Variants in POU6F2 observed in about 807,000 individuals in gnomAD.
The protein encoded by POU6F2 is POU class 6 homeobox 2, also known as POU domain, class 6, transcription factor 2.
POU6F2 carries 31 observed loss-of-function variants against 71.3 expected under a neutral mutation model. The ratio of observed to expected loss-of-function variants is 0.43; its 90% confidence interval spans 0.33 to 0.59. The LOEUF is 0.59. Among genes scored for constraint, POU6F2 ranks in the 20% least tolerant of loss-of-function variants. POU6F2 has a pLI of 0.04. For missense variants in POU6F2, 783 were observed against 856.8 expected (o/e 0.91, Z 1.07); for synonymous variants, 347 against 355.7 (o/e 0.98, Z 0.27).
chr7:39,007,307 C>T (rs1406120054), intron 1 of POU6F2, among the ~76,000 whole-genome samples: 1 of 152,018 alleles, frequency 6.6e-6, no homozygotes, highest in Non-Finnish European at 1.5e-5. Flanking sequence ...ACTTCTATTT[C>T]GAGATATCTG....
intron 6 of POU6F2, among the ~76,000 whole-genome samples, chr7:39,413,675 T>C (rs1787605770): frequency 1.3e-5 from 2 of 151,752 alleles, no homozygotes; most frequent in Admixed American, 1.3e-4. Context: ...CAAGTAGCAT[T>C]TTTTTTTAAT....
chr7:39,327,469 AAAG>A (rs1457276934), intron 4 of POU6F2, among the ~76,000 whole-genome samples: 1 of 152,050 alleles, frequency 6.6e-6, no homozygotes, highest in Non-Finnish European at 1.5e-5. Flanking sequence ...TCTTAGGGGT[AAAG>A]AAGAATATCA....
chr7:39,037,365 C>T (rs531767363), intron 1 of POU6F2, among the ~76,000 whole-genome samples: 3 of 152,066 alleles, frequency 2.0e-5, no homozygotes, highest in Admixed American at 6.6e-5. Context: ...AGCATTTACT[C>T]AGCAGCACCC....
intron 1 of POU6F2, among the ~76,000 whole-genome samples, chr7:38,997,778 G>A (rs565054992): frequency 2.6e-5 from 4 of 152,202 alleles, no homozygotes; most frequent in Admixed American, 1.3e-4. Context: ...CTGATGGCAC[G>A]TATGGGTATA....
At chr7:39,353,226 C>T (rs1786176265) in intron 5 of POU6F2, among the ~76,000 whole-genome samples, 1 of 152,186 alleles carries the variant, frequency 6.6e-6, no homozygotes, top group Admixed American at 6.5e-5. Context: ...CTTTCATCTT[C>T]AAAGAACAGA....
intron 5 of POU6F2, among the ~76,000 whole-genome samples, chr7:39,368,924 A>T (rs1457549738): frequency 2.0e-5 from 3 of 152,226 alleles, no homozygotes; most frequent in African/African-American, 7.2e-5. Context: ...TCAAGACTTC[A>T]GTGAAGGAAG....
intron 1 of POU6F2, among the ~76,000 whole-genome samples, chr7:39,036,796 A>G (rs575293150): frequency 2.0e-5 from 3 of 151,870 alleles, no homozygotes; most frequent in Admixed American, 6.6e-5. Flanking sequence ...TGAGCCTCTT[A>G]TATTTATTAT....
chr7:39,258,544 A>G (rs1490611763), intron 4 of POU6F2, among the ~76,000 whole-genome samples: 1 of 152,208 alleles, frequency 6.6e-6, no homozygotes, highest in Non-Finnish European at 1.5e-5. Flanking sequence ...GCTTCATTCC[A>G]TAGAGATCCT....
At chr7:39,355,528 C>G (rs1261154717) in intron 5 of POU6F2, among the ~76,000 whole-genome samples, 2 of 152,052 alleles carry the variant, frequency 1.3e-5, no homozygotes, top group East Asian at 3.9e-4. Flanking sequence ...TTCAGGTAGA[C>G]AGAGATGGGA....
chr7:39,204,129 G>A (rs1793959531), intron 2 of POU6F2, 106 bp from the exon 3 acceptor site: 16 of 934,576 alleles, frequency 1.7e-5, no homozygotes, highest in Non-Finnish European at 2.7e-5. Context: ...GAGCACTGGA[G>A]ATATTGATAA....
intron 4 of POU6F2, among the ~76,000 whole-genome samples, chr7:39,264,968 G>A (rs1784213023): frequency 6.6e-6 from 1 of 152,282 alleles, no homozygotes; most frequent in African/African-American, 2.4e-5. Flanking sequence ...GTCAGGCATG[G>A]TCAGAGAAGG....
At chr7:39,042,914 T>A (rs1223183210) in intron 1 of POU6F2, among the ~76,000 whole-genome samples, 1 of 151,926 alleles carries the variant, frequency 6.6e-6, no homozygotes, top group Non-Finnish European at 1.5e-5. Flanking sequence ...TCTCTTACAC[T>A]GCATCCTCCA....
intron 4 of POU6F2, among the ~76,000 whole-genome samples, chr7:39,331,358 T>C (rs150712615): frequency 0.01 from 1,528 of 152,310 alleles, 31 homozygotes; most frequent in African/African-American, 0.034. Context: ...TATGCTGTTT[T>C]CCACAAAGGC....
intron 2 of POU6F2, among the ~76,000 whole-genome samples, chr7:39,104,173 G>A (rs1256302873): frequency 6.6e-6 from 1 of 152,250 alleles, no homozygotes; most frequent in Non-Finnish European, 1.5e-5. Flanking sequence ...TTGAAGTACA[G>A]CTGATTCTTA....
At chr7:39,342,631 A>G (rs1315312570) in intron 5 of POU6F2, among the ~76,000 whole-genome samples, 3 of 152,224 alleles carry the variant, frequency 2.0e-5, no homozygotes, top group East Asian at 1.9e-4. Context: ...GAGGACAACA[A>G]TTATTTCTAA....
chr7:39,321,665 A>G (rs1362928192), intron 4 of POU6F2, among the ~76,000 whole-genome samples: 1 of 152,210 alleles, frequency 6.6e-6, no homozygotes, highest in Admixed American at 6.5e-5. Context: ...AATGAAGTGC[A>G]GGAAGGCAGA....
chr7:39,110,268 CAAA>C (rs35337549), intron 2 of POU6F2, among the ~76,000 whole-genome samples: 3,888 of 103,670 alleles, frequency 0.038, 63 homozygotes, highest in Middle Eastern at 0.11. Context: ...AACTCCGTCT[CAAA>C]AAAAAAAAAA....
chr7:39,121,650 G>T (rs1193182702), intron 2 of POU6F2, among the ~76,000 whole-genome samples: 1 of 152,156 alleles, frequency 6.6e-6, no homozygotes, highest in Admixed American at 6.5e-5. Context: ...AGGAGAAAAA[G>T]ATTAATGTGT....
At chr7:39,333,013 G>C (rs1387232597) in intron 4 of POU6F2, among the ~76,000 whole-genome samples, 3 of 152,072 alleles carry the variant, frequency 2.0e-5, no homozygotes, top group African/African-American at 7.2e-5. Context: ...TATTCTGCAG[G>C]TGGAAATAGT....
Sources: gnomAD v4.1 joint callset for allele counts (sites outside exome capture counted in the v4.1 genomes callset) on GRCh38, gnomAD v4.1.1 for gene constraint, MANE v1.5 for transcripts, NCBI Gene and HGNC (gene_info 2026-07-23, HGNC 2026-07-21) for gene names.